Variants in ALPK3 observed in about 807,000 individuals in gnomAD.
ALPK3 encodes the protein alpha kinase 3, also known as alpha-protein kinase 3.
A neutral mutation model predicts 140.0 loss-of-function variants in ALPK3; 102 were observed. That is an observed-to-expected ratio of 0.73 (90% CI 0.62 to 0.86). The LOEUF is 0.86. Ranked by LOEUF, ALPK3 falls within the 40% of genes least tolerant of loss-of-function variation. The probability of loss-of-function intolerance (pLI) is 0.00; values close to 1 mark genes in which losing one functional copy is unlikely to be tolerated. For missense variants in ALPK3, 2,254 were observed against 2,208.2 expected, an observed-to-expected ratio of 1.02 and a Z score of -0.42; for synonymous variants, 938 against 898.5, an observed-to-expected ratio of 1.04 and a Z score of -0.79.
At chr15:84,820,867 T>C (rs1206956290) in intron 1 of ALPK3, among the ~76,000 whole-genome samples, 1 of 152,166 alleles carries the variant, frequency 6.6e-6, no homozygotes, top group Non-Finnish European at 1.5e-5. Context: ...CCAGCGATCC[T>C]CTTACCTCAG....
Position 84,862,720 on chromosome 15 carries a change from A to G in ALPK3, c.4215A>G (p.Arg1405=), listed in dbSNP as rs772450960. 9.9e-6 allele frequency: 16 copies of G among 1,613,998 alleles called. No individual in the cohort carries two copies. The change falls in exon 10 of 14, where the codon CGA becomes CGG. Residue 1405 remains arginine (R), a synonymous_variant. Transcript: ENST00000258888. The part of the protein sequence containing the change: ...SGCWGDKLFG[R]LVSEELRGGG... ...GCTGGGGGGACAAGCTCTTTGGGCG[A>G]CTGGTAAGCGAGGAGCTCCGAGGGG...
chr15:84,853,831 C>G (rs1280634287), intron 5 of ALPK3, among the ~76,000 whole-genome samples: 1 of 151,928 alleles, frequency 6.6e-6, no homozygotes, highest in Non-Finnish European at 1.5e-5. Context: ...CTAATGTTTC[C>G]CACATCGATA....
At chr15:84,865,348 C>T (rs1963991217) in intron 12 of ALPK3, among the ~76,000 whole-genome samples, 7 of 152,034 alleles carry the variant, frequency 4.6e-5, no homozygotes, top group Admixed American at 3.9e-4. Flanking sequence ...AATCTTGTCT[C>T]TGTGGTAAAT....
intron 13 of ALPK3, 96 bp from the exon 14 acceptor site, chr15:84,868,015 G>A: frequency 8.0e-7 from 1 of 1,253,492 alleles, no homozygotes; most frequent in East Asian, 2.3e-5. Context: ...TGTACCCTGA[G>A]CACGACATCC....
intron 1 of ALPK3, among the ~76,000 whole-genome samples, chr15:84,817,981 GA>G (rs1487982620): frequency 6.6e-6 from 1 of 152,206 alleles, no homozygotes; most frequent in Non-Finnish European, 1.5e-5. Flanking sequence ...AAGGGAGGGG[GA>G]GAGCACTGGT....
In ALPK3 at chr15:84,862,817, T is replaced by G. The variant is rs1203825888; in HGVS notation, c.4312T>G (p.Ser1438Ala). ...CTACGGGCTGGAACCCATCTTCGAGTCGGGCCGCACGTGCATCATCAAGGT... is the reference window on the plus strand; with the variant it reads ...CTACGGGCTGGAACCCATCTTCGAGGCGGGCCGCACGTGCATCATCAAGGT... The part of the protein sequence containing the change: ...VIYGLEPIFE[S>A]GRTCIIKVSS... Residue 1438 changes from serine (S) to alanine (A), a missense_variant, in exon 10 of 14, where the codon TCG becomes GCG. Physicochemically the swap from Ser to Ala is moderately conservative, Grantham distance 99 (BLOSUM62 1). Transcript: ENST00000258888. The G allele has an allele frequency of 6.2e-7, 1 of 1,613,906 alleles. No individual in the cohort carries two copies. Among genetic ancestry groups the G allele is most frequent in the African/African-American group, 1.3e-5 (1 of 74,870 alleles).
chr15:84,832,317 G>A (rs1183379324), intron 3 of ALPK3, among the ~76,000 whole-genome samples: 1 of 152,154 alleles, frequency 6.6e-6, no homozygotes, highest in Non-Finnish European at 1.5e-5. Flanking sequence ...TTGTCCATCT[G>A]CTTTCTAACT....
At chr15:84,866,666 C>G (rs1567096159) in intron 12 of ALPK3, among the ~76,000 whole-genome samples, 1 of 152,252 alleles carries the variant, frequency 6.6e-6, no homozygotes, top group Non-Finnish European at 1.5e-5. Context: ...CAAGGCTTAA[C>G]CTGGAAGACC....
At chr15:84,847,270 C>CAG (rs1963744066) in intron 5 of ALPK3, among the ~76,000 whole-genome samples, 1 of 135,568 alleles carries the variant, frequency 7.4e-6, no homozygotes. Context: ...AATCAATGAA[C>CAG]AGAGCCTCAG....
chr15:84,858,473 C>A lies in ALPK3; in HGVS notation c.3735C>A (p.Gly1245=). ...AGDLGPSPKA[G]GLDTEVALDE... ...ACCTGGGCCCCAGCCCCAAGGCCGG[C>A]GGTCTGGACACAGAGGTGGCCCTGG... Residue 1245 remains glycine (G), a synonymous_variant, in exon 6 of 14, where the codon GGC becomes GGA. Transcript: ENST00000258888. The A allele has an allele frequency of 6.4e-7, 1 of 1,573,192 alleles. No individual in the cohort carries two copies. Among genetic ancestry groups the A allele is most frequent in the Non-Finnish European group, 8.6e-7 (1 of 1,164,518 alleles).
chr15:84,844,435 C>T (rs147463433), intron 5 of ALPK3, among the ~76,000 whole-genome samples: 8 of 152,184 alleles, frequency 5.3e-5, no homozygotes, highest in African/African-American at 1.9e-4. Context: ...AAGAAATTGG[C>T]CCACAGGTTT....
chr15:84,847,904 C>CA lies in ALPK3; in HGVS notation c.1653+6980dup, dbSNP rs1042568951. Among the ~76,000 whole-genome samples, 49 of 150,860 alleles carry CA rather than the reference C, an allele frequency of 3.2e-4. No individual in the cohort carries two copies. In the East Asian group the frequency reaches 9.2e-3, roughly 28 times the overall value. On this transcript the variant is annotated intron_variant, in intron 5 of 13. Transcript: ENST00000258888. Reference sequence around the variant, plus strand: ...TGAAACCTTGTCTCTACTAAAAATACAAAAAAAATTAGCCAGGGGTGGTGG... The same window carrying CA: ...TGAAACCTTGTCTCTACTAAAAATACAAAAAAAAATTAGCCAGGGGTGGTGG...
At chr15:84,838,265 T>C (rs1335253865) in intron 3 of ALPK3, among the ~76,000 whole-genome samples, 1 of 152,116 alleles carries the variant, frequency 6.6e-6, no homozygotes, top group Admixed American at 6.5e-5. Flanking sequence ...GGGATGATCA[T>C]GGTGGGACAT....
At chr15:84,818,795 C>G (rs1963390811) in intron 1 of ALPK3, among the ~76,000 whole-genome samples, 1 of 152,218 alleles carries the variant, frequency 6.6e-6, no homozygotes, top group Admixed American at 6.5e-5. Context: ...GTGACTGAGT[C>G]AGACTCAACA....
In ALPK3 at chr15:84,857,072, A is replaced by T; in HGVS notation, c.2334A>T (p.Ala778=). Residue 778 remains alanine, a synonymous_variant, in exon 6 of 14, where the codon GCA becomes GCT. Transcript: ENST00000258888. ...KPGCLPRSEE[A]VVTASRNHEQ... Reference sequence around the variant, plus strand: ...GTTGCCTGCCCAGATCTGAGGAGGCAGTAGTAACAGCCTCCAGGAACCATG... The same window carrying T: ...GTTGCCTGCCCAGATCTGAGGAGGCTGTAGTAACAGCCTCCAGGAACCATG... 1 of 1,614,216 alleles carries T rather than the reference A, an allele frequency of 6.2e-7. No individual in the cohort carries two copies. Among genetic ancestry groups the T allele is most frequent in the Non-Finnish European group, 8.5e-7 (1 of 1,180,032 alleles).
rs1477807423 is a variant in ALPK3, at chr15:84,869,602, C to T, written c.*1146C>T. On this transcript the variant is annotated 3_prime_UTR_variant, in exon 14 of 14. Coordinates refer to ENST00000258888, the MANE Select transcript of ALPK3 (RefSeq NM_020778.5). Reference sequence around the variant, plus strand: ...CAACCATCGCTCTTGATCCTGGGGCCCCAGCTCTGGGTCCTCATGTATGGG... The same window carrying T: ...CAACCATCGCTCTTGATCCTGGGGCTCCAGCTCTGGGTCCTCATGTATGGG... The T allele has an allele frequency of 6.6e-6, 1 of 152,380 alleles. No individual in the cohort carries two copies. Among genetic ancestry groups the T allele is most frequent in the African/African-American group, 2.4e-5 (1 of 41,404 alleles). The allele number at this position is 152,380 out of a possible 1,614,324, so 9.4% of individuals were successfully genotyped here.
chr15:84,817,666 C>A, intron 1 of ALPK3, 71 bp downstream of exon 1: 1 of 1,395,698 alleles, frequency 7.2e-7, no homozygotes, highest in Non-Finnish European at 9.3e-7. Flanking sequence ...TGAGGGCGGC[C>A]TGGCCCCTGG....
rs1407567336 is a variant in ALPK3, at chr15:84,868,331, C to T, written c.4993C>T (p.Gln1665Ter). The change falls in exon 14 of 14, where the codon CAG (glutamine) becomes TAG (stop). Residue 1665 changes from glutamine to a stop codon, truncating the protein, a stop_gained. Coordinates refer to ENST00000258888, the MANE Select transcript of ALPK3 (RefSeq NM_020778.5). LOFTEE classifies it high-confidence loss of function. Reference protein sequence around the residue: ...QPQKKGLPSPQGTRKSAPSSK... With the variant: ...QPQKKGLPSP ...CCAGAAGAAAGGCCTCCCTAGTCCT[C>T]AGGGCACCCGGAAGAGTGCTCCAAG... The T allele has an allele frequency of 5.6e-6, 9 of 1,614,174 alleles. No individual in the cohort carries two copies. The highest frequency in any genetic ancestry group is 6.8e-6 in the Non-Finnish European group (8 of 1,180,020).
chr15:84,847,514 T>C (rs1002174068), intron 5 of ALPK3, among the ~76,000 whole-genome samples: 1 of 152,114 alleles, frequency 6.6e-6, no homozygotes, highest in African/African-American at 2.4e-5. Context: ...TGAAAAACTC[T>C]TGGAAGTAGC....
Sources: gnomAD v4.1 joint callset for allele counts (sites outside exome capture counted in the v4.1 genomes callset) on GRCh38, gnomAD v4.1.1 for gene constraint, MANE v1.5 for transcripts, NCBI Gene and HGNC (gene_info 2026-07-23, HGNC 2026-07-21) for gene names.